The following CCND3 variants were observed in gnomAD, a reference collection of about 807,000 sequenced individuals.
CCND3 encodes the protein cyclin D3.
Under a neutral mutation model 28.7 loss-of-function variants are expected in CCND3, and 9 were observed. The observed-to-expected ratio is 0.31, with a 90% CI of 0.19 to 0.55. CCND3 has a LOEUF of 0.55. Ranked by LOEUF, CCND3 falls within the 20% of genes least tolerant of loss-of-function variation. The pLI, the probability that CCND3 is intolerant of heterozygous loss-of-function variation, is 0.93. For missense variants in CCND3, 315 were observed against 385.8 expected, an observed-to-expected ratio of 0.82 and a Z score of 1.54; for synonymous variants, 164 against 163.9, an observed-to-expected ratio of 1.00 and a Z score of 0.00.
intron 1 of CCND3, among the ~76,000 whole-genome samples, chr6:41,998,770 C>T (rs2127420011): frequency 6.6e-6 from 1 of 151,968 alleles, no homozygotes; most frequent in African/African-American, 2.4e-5. Context: ...ACCTCTGTCT[C>T]CGGGGTTCAA....
intron 1 of CCND3, among the ~76,000 whole-genome samples, chr6:41,987,539 GTGTGTGTGTGTGTGTGTT>G (rs1762526062): frequency 2.3e-5 from 3 of 132,728 alleles, no homozygotes; most frequent in Admixed American, 7.6e-5. Flanking sequence ...GTGTGTGTGT[GTGTGTGTGTGTGTGTGTT>G]TTAGAGACAG....
At chr6:41,966,911 A>G (rs545741788) in intron 1 of CCND3, among the ~76,000 whole-genome samples, 35 of 152,350 alleles carry the variant, frequency 2.3e-4, no homozygotes, top group African/African-American at 8.4e-4. Flanking sequence ...ACAAATGGAA[A>G]GAGAAGTTTA....
intron 1 of CCND3, among the ~76,000 whole-genome samples, chr6:41,960,583 C>T (rs1761693063): frequency 6.6e-6 from 1 of 152,168 alleles, no homozygotes. Context: ...GATTCCTCAT[C>T]TGCAAAATAG....
intron 1 of CCND3, among the ~76,000 whole-genome samples, chr6:42,036,260 T>C (rs912806075): frequency 1.0e-4 from 15 of 148,446 alleles, no homozygotes; most frequent in Admixed American, 6.1e-4. Flanking sequence ...CCCAAAGTGC[T>C]GGGATTACAG....
intron 1 of CCND3, among the ~76,000 whole-genome samples, chr6:41,953,213 C>T (rs1214919365): frequency 2.0e-5 from 3 of 151,142 alleles, no homozygotes; most frequent in Admixed American, 1.3e-4. Context: ...TGCAGTGAGC[C>T]GAGATCGCGC....
At chr6:42,046,152 G>C (rs1289282709) in intron 1 of CCND3, among the ~76,000 whole-genome samples, 2 of 152,198 alleles carry the variant, frequency 1.3e-5, no homozygotes, top group Non-Finnish European at 2.9e-5. Flanking sequence ...AGGCAGAGAG[G>C]GACCGCCTCA....
chr6:42,044,400 G>A (rs1012056703), intron 1 of CCND3, among the ~76,000 whole-genome samples: 2 of 152,190 alleles, frequency 1.3e-5, no homozygotes, highest in African/African-American at 2.4e-5. Flanking sequence ...GCTCCACCTG[G>A]TGGACGATCA....
intron 1 of CCND3, among the ~76,000 whole-genome samples, chr6:41,961,578 A>C (rs1242045705): frequency 6.6e-6 from 1 of 151,966 alleles, no homozygotes; most frequent in African/African-American, 2.4e-5. Flanking sequence ...AAAAACAACA[A>C]CAACAAAAAC....
chr6:41,953,370 T>G (rs1776363625), intron 1 of CCND3, among the ~76,000 whole-genome samples: 1 of 151,958 alleles, frequency 6.6e-6, no homozygotes, highest in Non-Finnish European at 1.5e-5. Flanking sequence ...GCAAGTGCCT[T>G]GACTCTGGGA....
At chr6:42,000,234 C>CGTTTTTTTTTTTTTTTTTTTTTTTTTT (rs1762951898) in intron 1 of CCND3, among the ~76,000 whole-genome samples, 6 of 51,024 alleles carry the variant, frequency 1.2e-4, no homozygotes, top group South Asian at 1.1e-3. Flanking sequence ...TGAAAACATA[C>CGTTTTTTTTTTTTTTTTTTTTTTTTTT]TTTTTTTTTT....
chr6:41,972,345 T>A (rs765544069), intron 1 of CCND3, among the ~76,000 whole-genome samples: 2 of 152,120 alleles, frequency 1.3e-5, no homozygotes, highest in Non-Finnish European at 2.9e-5. Context: ...CTGAATGTGT[T>A]CTTGCTGATT....
At chr6:41,991,141 C>T (rs528976993) in intron 1 of CCND3, among the ~76,000 whole-genome samples, 1 of 152,118 alleles carries the variant, frequency 6.6e-6, no homozygotes, top group African/African-American at 2.4e-5. Flanking sequence ...TCACTGCAAC[C>T]TCTGCCTCCT....
At chr6:41,943,576 T>C (rs1168144871), upstream of CCND3, among the ~76,000 whole-genome samples, 1 of 152,242 alleles carries the variant, frequency 6.6e-6, no homozygotes, top group East Asian at 1.9e-4. Flanking sequence ...AAAATATTTT[T>C]GTGGTAATAT....
chr6:41,990,670 T>A (rs1193319396), intron 1 of CCND3, among the ~76,000 whole-genome samples: 11,961 of 41,098 alleles, frequency 0.29, 870 homozygotes, highest in East Asian at 0.53. Flanking sequence ...ATTTTTTTTT[T>A]TTTTTTTTTT....
In CCND3 at chr6:41,936,598, C is replaced by T. The variant is rs2127390377; in HGVS notation, c.672G>A (p.Glu224=). 3 of 1,614,208 alleles carry T rather than the reference C, an allele frequency of 1.9e-6. No individual in the cohort carries two copies. Among genetic ancestry groups the T allele is most frequent in the South Asian group, 2.2e-5 (2 of 91,092 alleles). Residue 224 remains glutamate (E), a synonymous_variant, in exon 4 of 5, where the codon GAG becomes GAA. Coordinates refer to ENST00000372991, the MANE Select transcript of CCND3 (RefSeq NM_001760.5). This position sits in a 1 kb window ranked among gnomAD's most constrained non-coding sequence, Gnocchi z 4.4. Reference sequence around the variant, plus strand: ...TGATCCCTGCCAGCAGCTCTGTGAGCTCATCCCCGGACATGGAGCAGGCAC... The same window carrying T: ...TGATCCCTGCCAGCAGCTCTGTGAGTTCATCCCCGGACATGGAGCAGGCAC... ...GLGACSMSGD[E]LTELLAGITG...
chr6:42,029,241 T>C (rs904945966), intron 1 of CCND3, among the ~76,000 whole-genome samples: 6 of 152,070 alleles, frequency 3.9e-5, no homozygotes, highest in Non-Finnish European at 7.4e-5. Flanking sequence ...TCCTCCCGCC[T>C]TTGCCTCCTA....
At chr6:41,946,803 G>A (rs1469038073), upstream of CCND3, among the ~76,000 whole-genome samples, 4 of 151,904 alleles carry the variant, frequency 2.6e-5, no homozygotes, top group African/African-American at 7.3e-5. Flanking sequence ...AGCACTCTTC[G>A]GCTGGGCGCG....
At chr6:41,992,476 T>TTC (rs1432954248) in intron 1 of CCND3, among the ~76,000 whole-genome samples, 35 of 149,450 alleles carry the variant, frequency 2.3e-4, no homozygotes, top group Non-Finnish European at 4.2e-4. Context: ...TTTTTTTTTT[T>TTC]TTTTAGATGG....
intron 1 of CCND3, among the ~76,000 whole-genome samples, chr6:42,046,552 T>C (rs1452419403): frequency 2.0e-5 from 3 of 152,246 alleles, no homozygotes; most frequent in African/African-American, 4.8e-5. Context: ...AATATAATCT[T>C]AGTTCATTCC....
Sources: gnomAD v4.1 joint callset for allele counts (sites outside exome capture counted in the v4.1 genomes callset) on GRCh38, gnomAD v4.1.1 for gene constraint, Gnocchi (gnomAD v3.1) non-coding constraint, MANE v1.5 for transcripts, NCBI Gene and HGNC (gene_info 2026-07-23, HGNC 2026-07-21) for gene names.